USP7: variants seen among roughly 807,000 people sequenced by gnomAD.
USP7 encodes the protein ubiquitin C-terminal hydrolase 7.
In USP7, 9 loss-of-function variants were observed where a neutral mutation model predicts 162.9. The observed-to-expected ratio is 0.06, with a 90% CI of 0.03 to 0.10. USP7 has a LOEUF of 0.10. USP7 is among the 10% of genes least tolerant of loss of function. The pLI is 1.00. For missense variants in USP7, 715 were observed against 1,373.7 expected (o/e 0.52, Z 7.58); for synonymous variants, 562 against 475.9 (o/e 1.18, Z -2.35).
chr16:8,921,293 G>A lies in USP7; in HGVS notation c.386C>T (p.Ser129Leu), dbSNP rs2141211713. Residue 129 changes from serine (S) to leucine (L), a missense_variant and splice_region_variant, in exon 4 of 31, where the codon TCA (serine) becomes TTA (leucine). Ser to Leu is a moderately radical substitution (Grantham distance 145, BLOSUM62 -2). This residue lies in a region of USP7 where 35 missense variants were observed against 101.0 expected (regional missense o/e 0.35). Coordinates refer to ENST00000344836, the MANE Select transcript of USP7 (RefSeq NM_003470.3). ...CACTGCTTGTGCATGGCAAGACCAT[G>A]ACCTGTTTAAAAGAATAATCTGAGC... is the stretch of plus-strand genomic sequence containing the variant. ...LQCNAESDSTSWSCHAQAVLK... is the reference protein window; with the variant it reads ...LQCNAESDSTLWSCHAQAVLK... 6.2e-7 allele frequency: 1 copy of A among 1,613,458 alleles called. No individual in the cohort carries two copies. Among genetic ancestry groups the A allele is most frequent in the Middle Eastern group, 1.7e-4 (1 of 6,060 alleles).
At chr16:8,931,078 C>T (rs1898303434) in intron 1 of USP7, among the ~76,000 whole-genome samples, 1 of 151,996 alleles carries the variant, frequency 6.6e-6, no homozygotes, top group Non-Finnish European at 1.5e-5. Flanking sequence ...TATAGGTTTC[C>T]TAGTAATTAA....
At chr16:8,896,923 C>G (rs1048023161) in intron 26 of USP7, 76 bp downstream of exon 26, 16 of 1,134,006 alleles carry the variant, frequency 1.4e-5, no homozygotes, top group Non-Finnish European at 2.0e-5. Context: ...GTGATTTCCA[C>G]CAACGCAACT....
In USP7 at chr16:8,942,545, G is replaced by C. The variant is rs186474763; in HGVS notation, c.80-12148C>G. Among the ~76,000 whole-genome samples, 295 of 152,232 alleles carry C rather than the reference G, an allele frequency of 1.9e-3. 2 individuals are homozygous for C. Among genetic ancestry groups the C allele is most frequent in the African/African-American group, 6.5e-3 (271 of 41,528 alleles). ...CCTCTGGTCTTATTAACAATATTTG[G>C]CTTACGGCTTATTTATTTTTGAGAC... On this transcript the variant is annotated intron_variant, in intron 1 of 30. Transcript: ENST00000344836.
intron 18 of USP7, 56 bp downstream of exon 18, chr16:8,902,026 T>C (rs989708702): frequency 2.8e-6 from 4 of 1,429,640 alleles, no homozygotes; most frequent in Non-Finnish European, 3.9e-6. Flanking sequence ...AGAACAACAA[T>C]CCAGGAATCC....
chr16:8,896,595 T>C (rs774992818), intron 26 of USP7, among the ~76,000 whole-genome samples: 1 of 152,162 alleles, frequency 6.6e-6, no homozygotes, highest in East Asian at 1.9e-4. Flanking sequence ...ATCTGTCAAA[T>C]ACAAAATCAG....
At chr16:8,911,394 A>G (rs998724363) in intron 10 of USP7, among the ~76,000 whole-genome samples, 2 of 152,236 alleles carry the variant, frequency 1.3e-5, no homozygotes, top group Non-Finnish European at 2.9e-5. Context: ...CCTAAAATTA[A>G]GAATGGTAAC....
Position 8,892,392 on chromosome 16 carries a change from C to G in USP7, c.*1606G>C, listed in dbSNP as rs895438146. ...GTGGAAGTTGAGAAAGGAAGTCACT[C>G]CAAGGTACACACTGGCCCAAAGACC... is the stretch of plus-strand genomic sequence containing the variant. On this transcript the variant is annotated 3_prime_UTR_variant, in exon 31 of 31. Coordinates refer to ENST00000344836, the MANE Select transcript of USP7 (RefSeq NM_003470.3). 6.6e-6 allele frequency: 1 copy of G among 152,322 alleles called. No homozygotes were observed. The highest frequency in any genetic ancestry group is 2.4e-5 in the African/African-American group (1 of 41,416). 9.4% of individuals were successfully genotyped at this position (152,322 alleles called of 1,614,324 possible). A position where few individuals can be genotyped will look rare whatever the true frequency, so the allele number is the denominator to read the frequency against.
intron 1 of USP7, among the ~76,000 whole-genome samples, chr16:8,948,638 GA>G (rs774899607): frequency 2.0e-5 from 3 of 152,150 alleles, no homozygotes; most frequent in Non-Finnish European, 2.9e-5. Flanking sequence ...CCACACGATG[GA>G]ATATTATTCT....
intron 1 of USP7, among the ~76,000 whole-genome samples, chr16:8,938,096 A>C (rs975381992): frequency 6.6e-6 from 1 of 152,172 alleles, no homozygotes; most frequent in African/African-American, 2.4e-5. Context: ...CTGGACTGGC[A>C]AAGGCACTGC....
intron 1 of USP7, among the ~76,000 whole-genome samples, chr16:8,950,599 C>T (rs1007906765): frequency 1.3e-5 from 2 of 152,178 alleles, no homozygotes; most frequent in South Asian, 2.1e-4. Context: ...CAGGACTGGG[C>T]GCTGACAGAG....
At chr16:8,902,061 A>G (rs1032461944) in intron 18 of USP7, 21 bp downstream of exon 18, 13 of 1,594,862 alleles carry the variant, frequency 8.2e-6, no homozygotes, top group Non-Finnish European at 8.6e-6. Context: ...AAGTGCAGGC[A>G]GGCGTCTCGT....
chr16:8,929,820 G>A (rs867447959), intron 2 of USP7, among the ~76,000 whole-genome samples: 1 of 152,206 alleles, frequency 6.6e-6, no homozygotes, highest in Non-Finnish European at 1.5e-5. Context: ...AACTCAGTGA[G>A]GGAGAATGAA....
intron 6 of USP7, 72 bp downstream of exon 6, chr16:8,918,959 G>A: frequency 6.8e-7 from 1 of 1,473,134 alleles, no homozygotes; most frequent in Non-Finnish European, 9.5e-7. Flanking sequence ...TTTGTTGAGA[G>A]GACTTTGCTC....
rs777261899 is a variant in USP7, at chr16:8,908,330, C to T, written c.1271+11G>A. 53 of 1,602,758 alleles carry T rather than the reference C, an allele frequency of 3.3e-5. No homozygotes were observed. Among genetic ancestry groups the T allele is most frequent in the Middle Eastern group, 3.5e-4 (2 of 5,778 alleles). On this transcript the variant is annotated intron_variant, in intron 12 of 30. Transcript: ENST00000344836. The stretch of plus-strand genomic sequence containing the variant: ...GATGAAATCTTAACTTTATATCCCA[C>T]TATAGATTACCTATCATTGATCTTG...
At chr16:8,961,944 G>C (rs1358214148) in intron 1 of USP7, among the ~76,000 whole-genome samples, 1 of 152,164 alleles carries the variant, frequency 6.6e-6, no homozygotes, top group East Asian at 1.9e-4. Flanking sequence ...ATACCACTGG[G>C]GAGTGCCTAC....
rs145949182 is a variant in USP7 at position 8,947,356 on chromosome 16, A to AAC, written c.79+15849_79+15850dup. ...GTTTTTCCACAGCACTCCCCCCCCC[A>AAC]ACACACACACACACAGGGTCTCACT... is the stretch of plus-strand genomic sequence containing the variant. On this transcript the variant is annotated intron_variant, in intron 1 of 30. Coordinates refer to ENST00000344836, the MANE Select transcript of USP7 (RefSeq NM_003470.3). Among the ~76,000 whole-genome samples, 711 of 149,324 alleles carry AAC rather than the reference A, an allele frequency of 4.8e-3. 3 individuals carry two copies. The highest frequency in any genetic ancestry group is 0.016 in the African/African-American group (640 of 40,934).
rs561896819 is a variant in USP7 at position 8,958,636 on chromosome 16, T to G, written c.79+4571A>C. On this transcript the variant is annotated intron_variant, in intron 1 of 30. Coordinates refer to ENST00000344836, the MANE Select transcript of USP7 (RefSeq NM_003470.3). Reference sequence around the variant, plus strand: ...AGAGACAGCAGAGTTCAAAGCCGACTCCCAACGTCTGGACACTCAGGGACC... The same window carrying G: ...AGAGACAGCAGAGTTCAAAGCCGACGCCCAACGTCTGGACACTCAGGGACC... Among the ~76,000 whole-genome samples, 18 of 152,036 alleles carry G rather than the reference T, an allele frequency of 1.2e-4. No homozygotes were observed. The East Asian group carries it at 3.3e-3, about 28-fold the overall frequency.
intron 1 of USP7, among the ~76,000 whole-genome samples, chr16:8,931,950 C>T (rs1256767390): frequency 6.6e-6 from 1 of 152,172 alleles, no homozygotes; most frequent in African/African-American, 2.4e-5. Context: ...AGGAGATGTG[C>T]TTTTTAACAG....
chr16:8,895,968 T>C (rs926547816), intron 26 of USP7, among the ~76,000 whole-genome samples: 9 of 151,630 alleles, frequency 5.9e-5, no homozygotes, highest in Non-Finnish European at 8.8e-5. Flanking sequence ...TCCCGAGTAG[T>C]TGGGACTACA....
Sources: gnomAD v4.1 joint callset for allele counts (sites outside exome capture counted in the v4.1 genomes callset) on GRCh38, gnomAD v4.1.1 for gene constraint, gnomAD v4.1.1 regional missense constraint, MANE v1.5 for transcripts, NCBI Gene and HGNC (gene_info 2026-07-23, HGNC 2026-07-21) for gene names.